The following AGBL1 variants were observed in gnomAD, a reference collection of about 807,000 sequenced individuals.
The protein encoded by AGBL1 is AGBL carboxypeptidase 1.
Under a neutral mutation model 118.9 loss-of-function variants are expected in AGBL1, and 130 were observed. That is an observed-to-expected ratio of 1.09 (90% CI 0.95 to 1.26). The LOEUF (loss-of-function observed/expected upper bound fraction) is 1.26. Among genes scored for constraint, AGBL1 ranks in the 50% most tolerant of loss-of-function variants. The pLI, the probability that AGBL1 is intolerant of heterozygous loss-of-function variation, is 0.00. For synonymous variants in AGBL1, 555 were observed against 478.9 expected, an observed-to-expected ratio of 1.16 and a Z score of -2.08; for missense variants, 1,584 against 1,298.1, an observed-to-expected ratio of 1.22 and a Z score of -3.38.
chr15:86,269,933 T>TG lies in AGBL1; in HGVS notation c.1854dup (p.Leu619AlafsTer8). On this transcript the variant is annotated frameshift_variant, in exon 14 of 23. Coordinates refer to ENST00000614907, the MANE Select transcript of AGBL1 (RefSeq NM_001386094.1). LOFTEE classifies it high-confidence loss of function. Reference sequence around the variant, plus strand: ...CTGATCTGCAGGTTCGAGTATGACTTGCTGGTCAACGCAGATGTGAATAGC... The same window carrying TG: ...CTGATCTGCAGGTTCGAGTATGACTTGGCTGGTCAACGCAGATGTGAATAGC... The TG allele has an allele frequency of 1.2e-6, 2 of 1,613,842 alleles. No homozygotes were observed. The highest frequency in any genetic ancestry group is 8.5e-7 in the Non-Finnish European group (1 of 1,179,802).
intron 18 of AGBL1, among the ~76,000 whole-genome samples, chr15:86,410,763 T>C (rs1167662391): frequency 7.9e-6 from 1 of 126,672 alleles, no homozygotes; most frequent in Non-Finnish European, 1.6e-5. Context: ...GGCAATAGGA[T>C]AGAAATTCTA....
chr15:86,708,218 C>G (rs1457645762), intron 22 of AGBL1, among the ~76,000 whole-genome samples: 1 of 151,882 alleles, frequency 6.6e-6, no homozygotes, highest in South Asian at 2.1e-4. Flanking sequence ...GGATTGGACC[C>G]AATATTTGGA....
At chr15:86,406,634 A>C (rs1354778089) in intron 18 of AGBL1, among the ~76,000 whole-genome samples, 1 of 152,196 alleles carries the variant, frequency 6.6e-6, no homozygotes, top group Non-Finnish European at 1.5e-5. Context: ...AGCTGCCCAG[A>C]GAAAAACATT....
chr15:86,429,215 A>G (rs1242450329), intron 18 of AGBL1, among the ~76,000 whole-genome samples: 1 of 152,210 alleles, frequency 6.6e-6, no homozygotes, highest in African/African-American at 2.4e-5. Context: ...TGGCAAGAAA[A>G]CAAATATGCA....
At chr15:86,261,669 A>G (rs570076032) in intron 9 of AGBL1, among the ~76,000 whole-genome samples, 1 of 152,214 alleles carries the variant, frequency 6.6e-6, no homozygotes, top group East Asian at 1.9e-4. Flanking sequence ...GAAAAGATGA[A>G]GAGACTGGGC....
At chr15:86,817,463 T>C (rs979988668) in intron 22 of AGBL1, among the ~76,000 whole-genome samples, 44 of 133,482 alleles carry the variant, frequency 3.3e-4, no homozygotes, top group Admixed American at 2.3e-3. Flanking sequence ...CTCTGAGAGA[T>C]ACACACACAC....
intron 21 of AGBL1, among the ~76,000 whole-genome samples, chr15:86,629,464 C>A (rs1393512733): frequency 1.3e-5 from 2 of 152,114 alleles, no homozygotes; most frequent in Non-Finnish European, 2.9e-5. Flanking sequence ...AGCCTAAAGG[C>A]AAGCTTTATC....
chr15:86,360,772 T>C (rs1466482709), intron 17 of AGBL1, among the ~76,000 whole-genome samples: 2 of 152,004 alleles, frequency 1.3e-5, no homozygotes, highest in African/African-American at 4.8e-5. Context: ...TTTGGTAGGT[T>C]GTATATTTCT....
intron 17 of AGBL1, among the ~76,000 whole-genome samples, chr15:86,390,809 A>G (rs1242014303): frequency 6.6e-6 from 1 of 151,632 alleles, no homozygotes; most frequent in African/African-American, 2.4e-5. Flanking sequence ...AGCTGGGATT[A>G]CAGGCGCCTA....
intron 18 of AGBL1, among the ~76,000 whole-genome samples, chr15:86,452,300 C>T (rs1355923145): frequency 1.3e-5 from 2 of 152,164 alleles, no homozygotes; most frequent in Admixed American, 6.5e-5. Flanking sequence ...TGTCATTCCA[C>T]AATCTCTTTC....
chr15:86,377,817 G>C (rs1307133703), intron 17 of AGBL1, among the ~76,000 whole-genome samples: 1 of 152,130 alleles, frequency 6.6e-6, no homozygotes, highest in Non-Finnish European at 1.5e-5. Context: ...GGTCATCTTT[G>C]ATTTCTCTGT....
intron 3 of AGBL1, among the ~76,000 whole-genome samples, chr15:86,149,527 A>T (rs1414630898): frequency 2.0e-5 from 3 of 152,250 alleles, no homozygotes; most frequent in African/African-American, 7.2e-5. Context: ...AAAAGAGACA[A>T]AGAAGGCCAT....
At chr15:86,466,343 A>C (rs1220230787) in intron 18 of AGBL1, among the ~76,000 whole-genome samples, 1 of 152,164 alleles carries the variant, frequency 6.6e-6, no homozygotes, top group Non-Finnish European at 1.5e-5. Flanking sequence ...CAGCTCCATC[A>C]GGCCATTTAT....
At chr15:86,688,640 A>G (rs539167633) in intron 22 of AGBL1, among the ~76,000 whole-genome samples, 1 of 152,160 alleles carries the variant, frequency 6.6e-6, no homozygotes, top group Non-Finnish European at 1.5e-5. Context: ...ACATTACTCA[A>G]ACTACCAAAT....
At chr15:86,343,850 A>G (rs1469970460) in intron 17 of AGBL1, among the ~76,000 whole-genome samples, 2 of 152,164 alleles carry the variant, frequency 1.3e-5, no homozygotes, top group Non-Finnish European at 2.9e-5. Context: ...AATCACCTGT[A>G]TGAACGTCTG....
intron 6 of AGBL1, among the ~76,000 whole-genome samples, chr15:86,226,762 T>C (rs975156989): frequency 6.6e-6 from 1 of 152,178 alleles, no homozygotes; most frequent in Non-Finnish European, 1.5e-5. Flanking sequence ...CTTCTTTCCC[T>C]TTAGAGCTTA....
chr15:86,540,039 A>G (rs2083473460), intron 19 of AGBL1, among the ~76,000 whole-genome samples: 1 of 152,234 alleles, frequency 6.6e-6, no homozygotes, highest in South Asian at 2.1e-4. Flanking sequence ...CAATAACAAT[A>G]CAAACTTGGG....
intron 3 of AGBL1, among the ~76,000 whole-genome samples, chr15:86,151,099 A>T (rs2077102296): frequency 6.6e-6 from 1 of 151,994 alleles, no homozygotes. Flanking sequence ...TGGGAATTGA[A>T]CAATGAGAAC....
chr15:86,983,940 C>T (rs943593044), intron 23 of AGBL1, among the ~76,000 whole-genome samples: 1 of 152,132 alleles, frequency 6.6e-6, no homozygotes, highest in African/African-American at 2.4e-5. Context: ...TCTTCTGTTG[C>T]TGGACAATTA....
Sources: gnomAD v4.1 joint callset for allele counts (sites outside exome capture counted in the v4.1 genomes callset) on GRCh38, gnomAD v4.1.1 for gene constraint, MANE v1.5 for transcripts, NCBI Gene and HGNC (gene_info 2026-07-23, HGNC 2026-07-21) for gene names.